The following DNAJB6 variants were observed in gnomAD, a reference collection of about 807,000 sequenced individuals.
The protein encoded by DNAJB6 is DnaJ heat shock protein family (Hsp40) member B6.
Under a neutral mutation model 42.7 loss-of-function variants are expected in DNAJB6, and 16 were observed. That is an observed-to-expected ratio of 0.37 (90% CI 0.25 to 0.57). The LOEUF (loss-of-function observed/expected upper bound fraction) is 0.57, where lower values mean the gene tolerates loss of function less well. Ranked by LOEUF, DNAJB6 falls within the 20% of genes least tolerant of loss-of-function variation. The pLI, the probability that DNAJB6 is intolerant of heterozygous loss-of-function variation, is 0.74. For missense variants in DNAJB6, 347 were observed against 416.8 expected, an observed-to-expected ratio of 0.83 and a Z score of 1.46; for synonymous variants, 170 against 163.5, an observed-to-expected ratio of 1.04 and a Z score of -0.30.
In DNAJB6 at chr7:157,366,847, A is replaced by G. The variant is rs539818794; in HGVS notation, c.235+286A>G. 9.2e-5 allele frequency among the ~76,000 whole-genome samples: 14 copies of G among 152,376 alleles called. No homozygotes were observed. In the East Asian group the frequency reaches 2.1e-3, roughly 23 times the overall value. On this transcript the variant is annotated intron_variant, in intron 4 of 9. Transcript: ENST00000262177. Reference sequence around the variant, plus strand: ...TAGATCAGCACTTGACGTTATGTCAAAATATCCTAAGGGTTTAAAGAGCAG... The same window carrying G: ...TAGATCAGCACTTGACGTTATGTCAGAATATCCTAAGGGTTTAAAGAGCAG...
At chr7:157,353,602 T>G (rs1012355929) in intron 1 of DNAJB6, among the ~76,000 whole-genome samples, 1 of 147,594 alleles carries the variant, frequency 6.8e-6, no homozygotes, top group Non-Finnish European at 1.5e-5. Flanking sequence ...TGTGTGTGTG[T>G]GTGTGTGTGT....
At chr7:157,371,600 A>G (rs1156872774) in intron 5 of DNAJB6, among the ~76,000 whole-genome samples, 1 of 152,252 alleles carries the variant, frequency 6.6e-6, no homozygotes, top group African/African-American at 2.4e-5. Flanking sequence ...TCTGAATTGG[A>G]GGGGTACAAT....
chr7:157,389,325 A>G (rs1801228145), intron 8 of DNAJB6, among the ~76,000 whole-genome samples: 1 of 152,242 alleles, frequency 6.6e-6, no homozygotes, highest in African/African-American at 2.4e-5. Flanking sequence ...GTAATAAATA[A>G]TTGGCATATT....
At chr7:157,337,852 G>T (rs192966764) in intron 1 of DNAJB6, 32 of 152,348 alleles carry the variant, frequency 2.1e-4, no homozygotes, top group African/African-American at 7.7e-4. Flanking sequence ...TCATATATTG[G>T]CTCGAGAAAG....
intron 9 of DNAJB6, chr7:157,411,323 C>T (rs1232621828): frequency 7.5e-6 from 1 of 133,126 alleles, no homozygotes; most frequent in Non-Finnish European, 1.6e-5. Context: ...GTGGGGGAGA[C>T]TCCCCACGGT....
chr7:157,346,147 C>T (rs916176896), intron 1 of DNAJB6, among the ~76,000 whole-genome samples: 2 of 151,922 alleles, frequency 1.3e-5, no homozygotes, highest in East Asian at 1.9e-4. Context: ...CAGTGCTGGG[C>T]GGGCCAGAAG....
chr7:157,344,559 T>C (rs907155675), intron 1 of DNAJB6, among the ~76,000 whole-genome samples: 2 of 152,168 alleles, frequency 1.3e-5, no homozygotes, highest in Non-Finnish European at 2.9e-5. Flanking sequence ...ATCTTCCTGC[T>C]CTACGCAAAT....
At chr7:157,337,309 G>T (rs1798089565) in intron 1 of DNAJB6, among the ~76,000 whole-genome samples, 165 bp downstream of exon 1, 1 of 151,494 alleles carries the variant, frequency 6.6e-6, no homozygotes, top group Admixed American at 6.6e-5. Flanking sequence ...GTTGCGGGGC[G>T]AAGGGTGGGC....
chr7:157,353,684 G>A (rs1335097968), intron 1 of DNAJB6, among the ~76,000 whole-genome samples: 2 of 151,718 alleles, frequency 1.3e-5, no homozygotes, highest in Non-Finnish European at 2.9e-5. Flanking sequence ...ATGGGAGATA[G>A]GGTCTCGTTC....
rs979311810 is a variant in DNAJB6, at chr7:157,397,704, A to G, written c.692-12091A>G. ...TTTCCAAACCGACCTTCACGTCTTC[A>G]TTCCCTGGAGCCACCTCTTCATAAG... On this transcript the variant is annotated intron_variant, in intron 8 of 9. Transcript: ENST00000262177. Among the ~76,000 whole-genome samples, 8 of 152,234 alleles carry G rather than the reference A, an allele frequency of 5.3e-5. No individual in the cohort carries two copies. In the East Asian group the frequency reaches 5.8e-4, roughly 11 times the overall value.
Position 157,416,192 on chromosome 7 carries a change from C to A in DNAJB6, c.*94C>A. 1.9e-6 allele frequency: 3 copies of A among 1,541,342 alleles called. No homozygotes were observed. The South Asian group carries it at 3.5e-5, about 18-fold the overall frequency. ...ACACGCGCTAGGTAGCAGCGTCGGT[C>A]AGGACTGTCTCGAGGCCACACTCGC... On this transcript the variant is annotated 3_prime_UTR_variant, in exon 10 of 10. Transcript: ENST00000262177.
intron 5 of DNAJB6, chr7:157,369,279 A>G (rs1035466822): frequency 4.4e-6 from 2 of 456,734 alleles, no homozygotes; most frequent in Admixed American, 4.7e-5. Context: ...AAGAAAAATA[A>G]TTTACGGATT....
intron 8 of DNAJB6, among the ~76,000 whole-genome samples, chr7:157,401,006 A>T (rs1354589559): frequency 6.6e-6 from 1 of 152,216 alleles, no homozygotes; most frequent in African/African-American, 2.4e-5. Flanking sequence ...CACTCCTGAG[A>T]GGGACTTACC....
chr7:157,343,145 A>C (rs1371201793), intron 1 of DNAJB6, among the ~76,000 whole-genome samples: 3 of 143,948 alleles, frequency 2.1e-5, no homozygotes, highest in African/African-American at 2.7e-5. Flanking sequence ...ACAGATGTGC[A>C]CCACCACACC....
chr7:157,398,426 T>G (rs913815422), intron 8 of DNAJB6, among the ~76,000 whole-genome samples: 1 of 152,228 alleles, frequency 6.6e-6, no homozygotes, highest in African/African-American at 2.4e-5. Context: ...GTGGATTGTG[T>G]GTATTTGGGA....
chr7:157,351,410 A>G (rs1404330175), intron 1 of DNAJB6, among the ~76,000 whole-genome samples: 1 of 151,598 alleles, frequency 6.6e-6, no homozygotes, highest in Non-Finnish European at 1.5e-5. Context: ...GGGCGGATCT[A>G]CAAGGTCAGG....
At chr7:157,353,554 A>T (rs1186671747) in intron 1 of DNAJB6, among the ~76,000 whole-genome samples, 5 of 147,770 alleles carry the variant, frequency 3.4e-5, no homozygotes, top group African/African-American at 7.6e-5. Context: ...TCTTAGTTAC[A>T]GGTTGTCTGT....
intron 8 of DNAJB6, among the ~76,000 whole-genome samples, chr7:157,394,054 A>T (rs1801473234): frequency 6.6e-6 from 1 of 152,114 alleles, no homozygotes. Context: ...TACCTTTCTC[A>T]TATCTTATTA....
At position 157,416,181 on chromosome 7, in the gene DNAJB6, GCAGCGTCGGT is replaced by G. The variant is rs1796104020; in HGVS notation, c.*87_*96del. ...TGCGGTCGTGCACACGCGCTAGGTA[GCAGCGTCGGT>G]CAGGACTGTCTCGAGGCCACACTCG... On this transcript the variant is annotated 3_prime_UTR_variant, in exon 10 of 10. Transcript: ENST00000262177. 4 of 1,555,204 alleles carry G rather than the reference GCAGCGTCGGT, an allele frequency of 2.6e-6. No individual in the cohort carries two copies. Among genetic ancestry groups the G allele is most frequent in the Admixed American group, 1.9e-5 (1 of 51,532 alleles).
Sources: allele counts gnomAD v4.1 joint callset (sites outside exome capture counted in the v4.1 genomes callset), GRCh38; gene constraint gnomAD v4.1.1; transcripts MANE v1.5; gene names NCBI Gene and HGNC (gene_info 2026-07-23, HGNC 2026-07-21).